The following MYO19 variants were observed in gnomAD, a reference collection of about 807,000 sequenced individuals.
MYO19 encodes unconventional myosin-XIX.
A neutral mutation model predicts 129.2 loss-of-function variants in MYO19; 132 were observed. That is an observed-to-expected ratio of 1.02 (90% CI 0.89 to 1.18). The LOEUF is 1.18. Among genes scored for constraint, MYO19 ranks in the 50% most tolerant of loss-of-function variants. The pLI is 0.00. For synonymous variants in MYO19, 531 were observed against 477.2 expected, an observed-to-expected ratio of 1.11 and a Z score of -1.47; for missense variants, 1,210 against 1,216.7, an observed-to-expected ratio of 0.99 and a Z score of 0.08.
chr17:36,530,909 C>T lies in MYO19; in HGVS notation c.12+1618G>A, dbSNP rs368005911. ...GTATTGGGATTACAGGCATGAGCCA[C>T]CGTGCCTGGCCTTATTTATTTATTT... On this transcript the variant is annotated intron_variant, in intron 3 of 25. Transcript: ENST00000614623. Among the ~76,000 whole-genome samples, 18 of 152,194 alleles carry T rather than the reference C, an allele frequency of 1.2e-4. No individual in the cohort carries two copies. The South Asian group carries it at 2.1e-3, about 18-fold the overall frequency.
At chr17:36,510,718 C>G in intron 13 of MYO19, 28 bp downstream of exon 13, 1 of 1,565,722 alleles carries the variant, frequency 6.4e-7, no homozygotes, top group East Asian at 2.3e-5. Context: ...GGGGTCCTCC[C>G]CAACAAGGGG....
rs755834528 is a variant in MYO19 at position 36,515,920 on chromosome 17, T to G, written c.485A>C (p.His162Pro). The G allele has an allele frequency of 3.1e-6, 5 of 1,613,778 alleles. No homozygotes were observed. In the African/African-American group the frequency reaches 4.0e-5, roughly 13 times the overall value. The change falls in exon 7 of 26, where the codon CAC (histidine) becomes CCC (proline). Residue 162 changes from histidine to proline, a missense_variant. Transcript: ENST00000614623. ...CTGTTCTATCCTCTCTGCAATCTTG[T>G]GGCTCTCCCAAGATGCAGGTGAGGT... ...VATSPASWES[H>P]KIAERIEQRI...
At chr17:36,528,025 T>G in intron 4 of MYO19, 39 bp downstream of exon 4, 1 of 1,596,448 alleles carries the variant, frequency 6.3e-7, no homozygotes, top group Non-Finnish European at 8.6e-7. Flanking sequence ...ACCTCCAACC[T>G]CCTGGAGATG....
At chr17:36,537,914 A>C, upstream of MYO19, 1 of 1,614,120 alleles carries the variant, frequency 6.2e-7, no homozygotes, top group Non-Finnish European at 8.5e-7. Context: ...TTACTGTATT[A>C]TACCAGCTAG....
intron 2 of MYO19, chr17:36,542,026 AGATTG>A (rs2074200073): frequency 6.6e-6 from 1 of 152,112 alleles, no homozygotes; most frequent in South Asian, 2.1e-4. Context: ...AGATTAGATT[AGATTG>A]GATTGGATTT....
rs1209206307 is a variant in MYO19 at position 36,508,306 on chromosome 17, C to T, written c.1232-382G>A. 3.6e-5 allele frequency: 6 copies of T among 168,872 alleles called. No homozygotes were observed. In the East Asian group the frequency reaches 5.1e-4, roughly 14 times the overall value. 10.5% of individuals were successfully genotyped at this position (168,872 alleles called of 1,614,324 possible). Reference sequence around the variant, plus strand: ...GTTCGGAGGGCATTAGTCTCACTAGCCAATTTGGTGCCTAGAATTCCACCA... The same window carrying T: ...GTTCGGAGGGCATTAGTCTCACTAGTCAATTTGGTGCCTAGAATTCCACCA... On this transcript the variant is annotated intron_variant, in intron 14 of 25. Transcript: ENST00000614623.
intron 5 of MYO19, among the ~76,000 whole-genome samples, chr17:36,526,655 G>A (rs575415039): frequency 2.0e-4 from 31 of 152,224 alleles, no homozygotes; most frequent in Middle Eastern, 6.8e-3. Context: ...GGGAGGCTAC[G>A]GCAGGTGGAT....
chr17:36,518,430 G>A (rs1486678765), intron 6 of MYO19, among the ~76,000 whole-genome samples: 3 of 142,202 alleles, frequency 2.1e-5, no homozygotes, highest in African/African-American at 7.8e-5. Flanking sequence ...AGGAGGTGGA[G>A]GTTGCAGTGA....
chr17:36,515,663 A>T (rs2072694476), intron 7 of MYO19, among the ~76,000 whole-genome samples, 195 bp downstream of exon 7: 1 of 152,264 alleles, frequency 6.6e-6, no homozygotes, highest in Middle Eastern at 3.4e-3. Context: ...GAGGAAGAGG[A>T]CTGAATGACA....
intron 6 of MYO19, among the ~76,000 whole-genome samples, chr17:36,523,014 A>AC (rs1459501597): frequency 1.4e-5 from 2 of 147,134 alleles, no homozygotes; most frequent in African/African-American, 5.2e-5. Flanking sequence ...TCAAAAAAAA[A>AC]AACAAAAAAC....
intron 1 of MYO19, chr17:36,534,316 G>T (rs1326995290): frequency 1.3e-5 from 2 of 152,258 alleles, no homozygotes; most frequent in Non-Finnish European, 2.9e-5. Context: ...TCAAGGTCCG[G>T]GCGTCGTGCC....
upstream of MYO19, chr17:36,535,621 C>T (rs943203476): frequency 6.6e-6 from 1 of 152,224 alleles, no homozygotes; most frequent in African/African-American, 2.4e-5. Context: ...TAGGGCGCGG[C>T]CAGGTCGGGC....
At chr17:36,507,219 C>T (rs1350425347) in intron 16 of MYO19, 80 bp from the exon 17 acceptor site, 1 of 1,537,002 alleles carries the variant, frequency 6.5e-7, no homozygotes, top group Non-Finnish European at 8.8e-7. Flanking sequence ...CCTGTGGACC[C>T]CATGACAGCA....
At position 36,499,122 on chromosome 17, in the gene MYO19, G is replaced by A; in HGVS notation, c.2416C>T (p.Leu806=). The change falls in exon 24 of 26, where the codon CTG becomes TTG. Residue 806 remains leucine (L), a synonymous_variant. Transcript: ENST00000614623. ...SWLTRKHIQR[L]HAAATVIKRA... is the part of the protein sequence containing the mutation. ...TTGATGACTGTGGCAGCTGCATGCA[G>A]CCTCTGGATGTGTTTCCGAGTTAAC... 1.2e-6 allele frequency: 2 copies of A among 1,610,204 alleles called. No individual in the cohort carries two copies. The highest frequency in any genetic ancestry group is 1.7e-6 in the Non-Finnish European group (2 of 1,178,160).
At chr17:36,541,146 A>ACC (rs1468595954) in intron 2 of MYO19, among the ~76,000 whole-genome samples, 1 of 151,928 alleles carries the variant, frequency 6.6e-6, no homozygotes, top group Non-Finnish European at 1.5e-5. Context: ...ACGGGGTTTC[A>ACC]CCGTTAGCCA....
At chr17:36,527,725 C>T in intron 4 of MYO19, 26 bp from the exon 5 acceptor site, 1 of 1,598,074 alleles carries the variant, frequency 6.3e-7, no homozygotes, top group Non-Finnish European at 8.5e-7. Flanking sequence ...CTTTAGCAAA[C>T]TCGGGCTCAA....
upstream of MYO19, chr17:36,538,548 T>C (rs751256009): frequency 3.1e-6 from 5 of 1,613,542 alleles, no homozygotes; most frequent in Non-Finnish European, 4.2e-6. Context: ...GGTCAATCTC[T>C]ATATGTTTTC....
At chr17:36,501,285 CTG>C in intron 21 of MYO19, 50 bp from the exon 22 acceptor site, 1 of 1,553,974 alleles carries the variant, frequency 6.4e-7, no homozygotes, top group South Asian at 1.2e-5. Flanking sequence ...CTACATGCCT[CTG>C]TGGCCTGAAG....
At chr17:36,504,123 C>G in intron 19 of MYO19, 103 bp from the exon 20 acceptor site, 1 of 882,016 alleles carries the variant, frequency 1.1e-6, no homozygotes, top group Non-Finnish European at 1.6e-6. Flanking sequence ...CAGTGCCAAG[C>G]TGCAGGCTCT....
Sources: gnomAD v4.1 joint callset for allele counts (sites outside exome capture counted in the v4.1 genomes callset) on GRCh38, gnomAD v4.1.1 for gene constraint, MANE v1.5 for transcripts, NCBI Gene and HGNC (gene_info 2026-07-23, HGNC 2026-07-21) for gene names.